SYNE2: variants seen among roughly 807,000 people sequenced by gnomAD.
SYNE2 encodes spectrin repeat containing nuclear envelope protein 2, also known as nesprin-2.
SYNE2 carries 431 observed loss-of-function variants against 856.3 expected under a neutral mutation model. That is an observed-to-expected ratio of 0.50 (90% CI 0.47 to 0.55). SYNE2 has a LOEUF of 0.55. Among genes scored for constraint, SYNE2 ranks in the 20% least tolerant of loss-of-function variants. SYNE2 has a pLI of 0.00. For missense variants in SYNE2, 8,129 were observed against 8,023.2 expected (o/e 1.01, Z -0.50); for synonymous variants, 2,923 against 2,872.3 (o/e 1.02, Z -0.56).
At chr14:63,865,720 C>A (rs979228160) in intron 1 of SYNE2, among the ~76,000 whole-genome samples, 3 of 116,512 alleles carry the variant, frequency 2.6e-5, no homozygotes, top group Admixed American at 8.4e-5. Context: ...ACCCACCCCC[C>A]CCCCAAAAAA....
chr14:64,194,995 A>G (rs1319115464), intron 99 of SYNE2, among the ~76,000 whole-genome samples: 1 of 152,044 alleles, frequency 6.6e-6, no homozygotes, highest in African/African-American at 2.4e-5. Context: ...TAATGAGAGA[A>G]CTCTGCTTGT....
chr14:63,943,682 T>A (rs1241989119), intron 6 of SYNE2, among the ~76,000 whole-genome samples: 2 of 151,468 alleles, frequency 1.3e-5, no homozygotes, highest in Non-Finnish European at 2.9e-5. Flanking sequence ...ATTATTATTT[T>A]TTTTTTGAGA....
At chr14:64,044,589 A>G (rs1485857392) in intron 45 of SYNE2, among the ~76,000 whole-genome samples, 2 of 152,098 alleles carry the variant, frequency 1.3e-5, no homozygotes, top group Non-Finnish European at 2.9e-5. Context: ...TCCCCACCCA[A>G]ATCTCATCTT....
rs1042217644 is a variant in SYNE2, at chr14:63,940,781, A to G, written c.141+106A>G. On this transcript the variant is annotated intron_variant, in intron 3 of 115. Coordinates refer to ENST00000555002, the MANE Select transcript of SYNE2 (RefSeq NM_182914.3). ...ATTAAAAAATGGTACTGGTGATGAC[A>G]GGGAAAAGGTTGTGGAATGTCTTTT... 24 of 958,772 alleles carry G rather than the reference A, an allele frequency of 2.5e-5. No homozygotes were observed. The Admixed American group carries it at 2.5e-4, about 10-fold the overall frequency. The allele number at this position is 958,772 out of a possible 1,614,324, so 59.4% of individuals were successfully genotyped here.
chr14:64,219,836 A>C (rs979548510), intron 110 of SYNE2, among the ~76,000 whole-genome samples: 17 of 152,152 alleles, frequency 1.1e-4, no homozygotes, highest in African/African-American at 2.2e-4. Context: ...CCTACTGATG[A>C]ATCCCGTGGC....
chr14:63,761,767 T>C (rs1444500342), upstream of SYNE2, among the ~76,000 whole-genome samples: 1 of 152,222 alleles, frequency 6.6e-6, no homozygotes, highest in Non-Finnish European at 1.5e-5. Context: ...TCTTCTCAAA[T>C]GCCAAGGTGT....
In SYNE2 at chr14:63,897,785, A is replaced by T. The variant is rs79931377; in HGVS notation, c.-51-11313A>T. Among the ~76,000 whole-genome samples the T allele has an allele frequency of 1.2e-3, 178 of 152,218 alleles. 2 individuals are homozygous for T. The East Asian group carries it at 0.017, about 15-fold the overall frequency. The stretch of plus-strand genomic sequence containing the variant: ...ATTCCTCAAGGACCCCACACCACCC[A>T]TGCTCCCCCTGCTCCTGCTCCCAGG... On this transcript the variant is annotated intron_variant, in intron 1 of 115. Transcript: ENST00000555002.
At chr14:64,103,353 CTT>C (rs61101192) in intron 64 of SYNE2, among the ~76,000 whole-genome samples, 29 of 138,894 alleles carry the variant, frequency 2.1e-4, no homozygotes, top group African/African-American at 3.2e-4. Context: ...TCTCCATAAT[CTT>C]TTTTTTTTTT....
chr14:63,922,526 G>T (rs201120751), intron 2 of SYNE2, among the ~76,000 whole-genome samples: 1 of 152,152 alleles, frequency 6.6e-6, no homozygotes, highest in East Asian at 1.9e-4. Flanking sequence ...GTTAGGGCTA[G>T]GTGCAGTGGC....
At chr14:64,162,657 A>G (rs2153716136) in intron 88 of SYNE2, 1 of 327,986 alleles carries the variant, frequency 3.0e-6, no homozygotes, top group Non-Finnish European at 6.0e-6. Context: ...ACTTGGTGCC[A>G]TGTTGCTAGG....
chr14:63,877,604 CT>C (rs1566685404), intron 1 of SYNE2, among the ~76,000 whole-genome samples: 3 of 152,218 alleles, frequency 2.0e-5, no homozygotes, highest in Non-Finnish European at 4.4e-5. Flanking sequence ...AAGATCTACA[CT>C]GTTGTAAAGT....
At chr14:64,198,299 A>G (rs1196207358) in intron 99 of SYNE2, among the ~76,000 whole-genome samples, 2 of 152,238 alleles carry the variant, frequency 1.3e-5, no homozygotes, top group Admixed American at 1.3e-4. Context: ...TCTCATTTCC[A>G]GATATTAACT....
At chr14:63,886,069 C>T (rs1015614503) in intron 1 of SYNE2, among the ~76,000 whole-genome samples, 6 of 152,182 alleles carry the variant, frequency 3.9e-5, no homozygotes, top group African/African-American at 1.2e-4. Context: ...CCTACCCCAC[C>T]TGTGTTGTGC....
At chr14:63,919,626 G>A (rs1016227913) in intron 2 of SYNE2, among the ~76,000 whole-genome samples, 38 of 152,110 alleles carry the variant, frequency 2.5e-4, no homozygotes, top group Non-Finnish European at 8.8e-5. Flanking sequence ...AACAAGGAAA[G>A]GACACTGAGA....
intron 1 of SYNE2, among the ~76,000 whole-genome samples, chr14:63,817,505 A>C (rs185182026): frequency 4.0e-5 from 6 of 151,804 alleles, no homozygotes; most frequent in African/African-American, 9.7e-5. Context: ...AACAAACAAA[A>C]AAAGACGTAG....
intron 1 of SYNE2, among the ~76,000 whole-genome samples, chr14:63,786,753 C>T (rs1887542243): frequency 6.6e-6 from 1 of 151,460 alleles, no homozygotes; most frequent in African/African-American, 2.4e-5. Flanking sequence ...AATAATTGTG[C>T]TTTTTCTCTC....
chr14:64,137,216 T>C (rs2098100750), intron 78 of SYNE2, among the ~76,000 whole-genome samples: 1 of 152,320 alleles, frequency 6.6e-6, no homozygotes, highest in Middle Eastern at 3.4e-3. Flanking sequence ...TTTTGTTTTG[T>C]TTTGACACAG....
At chr14:63,836,402 T>C (rs946266779) in intron 1 of SYNE2, among the ~76,000 whole-genome samples, 4 of 152,208 alleles carry the variant, frequency 2.6e-5, no homozygotes, top group Non-Finnish European at 5.9e-5. Flanking sequence ...CAGACAACAA[T>C]ATAAGACTGT....
intron 1 of SYNE2, among the ~76,000 whole-genome samples, chr14:63,837,556 C>T (rs1233137958): frequency 2.0e-5 from 3 of 152,092 alleles, no homozygotes; most frequent in Non-Finnish European, 4.4e-5. Flanking sequence ...AGGTATGGGA[C>T]TTGTATCCAG....
Sources: allele counts gnomAD v4.1 joint callset (sites outside exome capture counted in the v4.1 genomes callset), GRCh38; gene constraint gnomAD v4.1.1; transcripts MANE v1.5; gene names NCBI Gene and HGNC (gene_info 2026-07-23, HGNC 2026-07-21).